The following AUTS2 variants were observed in gnomAD, a reference collection of about 807,000 sequenced individuals.
The protein encoded by AUTS2 is activator of transcription and developmental regulator AUTS2.
A neutral mutation model predicts 112.4 loss-of-function variants in AUTS2; 17 were observed. The ratio of observed to expected loss-of-function variants is 0.15; its 90% CI spans 0.10 to 0.23. The LOEUF is 0.23. Among genes scored for constraint, AUTS2 ranks in the 10% least tolerant of loss-of-function variants. The pLI, the probability that AUTS2 is intolerant of heterozygous loss-of-function variation, is 1.00. For missense variants in AUTS2, 1,510 were observed against 1,701.6 expected (o/e 0.89, Z 1.98); for synonymous variants, 751 against 702.7 (o/e 1.07, Z -1.09).
chr7:69,732,005 GT>G (rs934909678), intron 1 of AUTS2, among the ~76,000 whole-genome samples: 12 of 148,354 alleles, frequency 8.1e-5, no homozygotes, highest in South Asian at 4.3e-4. Context: ...TTTGTTTTTT[GT>G]TTTTTTTTTC....
At chr7:70,655,682 A>T (rs1806735403) in intron 5 of AUTS2, among the ~76,000 whole-genome samples, 1 of 152,118 alleles carries the variant, frequency 6.6e-6, no homozygotes, top group Non-Finnish European at 1.5e-5. Flanking sequence ...TAGGGGAAAG[A>T]GATTGCCGTT....
At chr7:70,437,468 C>G (rs927498173) in intron 5 of AUTS2, 5 of 152,244 alleles carry the variant, frequency 3.3e-5, no homozygotes, top group African/African-American at 9.6e-5. Flanking sequence ...GTTGATCTCA[C>G]TTTCTAAGTC....
intron 5 of AUTS2, among the ~76,000 whole-genome samples, chr7:70,581,163 A>C (rs974580214): frequency 2.0e-5 from 3 of 152,056 alleles, no homozygotes; most frequent in Non-Finnish European, 4.4e-5. Flanking sequence ...CGGGCAGATC[A>C]CCTGAGGTCG....
chr7:70,572,706 T>C (rs1162689417), intron 5 of AUTS2, among the ~76,000 whole-genome samples: 1 of 152,134 alleles, frequency 6.6e-6, no homozygotes, highest in African/African-American at 2.4e-5. Flanking sequence ...ATGTGGTGGT[T>C]GGTTTTCAAT....
chr7:70,553,717 T>G (rs755597256), intron 5 of AUTS2, among the ~76,000 whole-genome samples: 1 of 151,792 alleles, frequency 6.6e-6, no homozygotes, highest in Non-Finnish European at 1.5e-5. Context: ...TTTTAAGACT[T>G]TAAAGGTTGT....
At chr7:70,698,461 T>C in intron 5 of AUTS2, 108 bp from the exon 6 acceptor site, 2 of 977,046 alleles carry the variant, frequency 2.0e-6, no homozygotes, top group South Asian at 3.4e-5. Flanking sequence ...GCTTCCCTGC[T>C]AGGCTTTCGT....
At chr7:70,083,655 G>GT (rs1327908430) in intron 2 of AUTS2, among the ~76,000 whole-genome samples, 2 of 152,094 alleles carry the variant, frequency 1.3e-5, no homozygotes, top group African/African-American at 4.8e-5. Context: ...CACAATCAAG[G>GT]TAATGAACAG....
At chr7:69,691,712 G>A (rs1192560292) in intron 1 of AUTS2, among the ~76,000 whole-genome samples, 1 of 151,990 alleles carries the variant, frequency 6.6e-6, no homozygotes, top group Non-Finnish European at 1.5e-5. Context: ...GTGCCCAGGA[G>A]TGCAGGGCTC....
At chr7:70,365,882 A>G (rs556269482) in intron 4 of AUTS2, among the ~76,000 whole-genome samples, 10 of 152,348 alleles carry the variant, frequency 6.6e-5, no homozygotes, top group Non-Finnish European at 1.3e-4. Context: ...AGGAGTTACT[A>G]ACATTCATCC....
At chr7:70,707,716 C>T (rs749700269) in intron 6 of AUTS2, among the ~76,000 whole-genome samples, 1 of 152,180 alleles carries the variant, frequency 6.6e-6, no homozygotes, top group Non-Finnish European at 1.5e-5. Context: ...TGGCCAGAGT[C>T]GCCATAGTTA....
intron 6 of AUTS2, among the ~76,000 whole-genome samples, chr7:70,731,977 G>A (rs1391256605): frequency 6.6e-6 from 1 of 152,126 alleles, no homozygotes; most frequent in Non-Finnish European, 1.5e-5. Context: ...CTGATGTGAT[G>A]CCTTTATCTA....
chr7:70,584,291 C>T (rs1187481467), intron 5 of AUTS2, among the ~76,000 whole-genome samples: 1 of 152,216 alleles, frequency 6.6e-6, no homozygotes, highest in Non-Finnish European at 1.5e-5. Context: ...AAAATTTCTT[C>T]TCTGTGCAGC....
chr7:70,617,051 T>C (rs1260737775), intron 5 of AUTS2, among the ~76,000 whole-genome samples: 1 of 152,238 alleles, frequency 6.6e-6, no homozygotes, highest in Non-Finnish European at 1.5e-5. Context: ...ATTAAGGATT[T>C]ATTTTTTTCA....
chr7:70,650,002 T>C (rs1806410166), intron 5 of AUTS2, among the ~76,000 whole-genome samples: 1 of 151,872 alleles, frequency 6.6e-6, no homozygotes, highest in Non-Finnish European at 1.5e-5. Context: ...CGGGTGTGAG[T>C]AGTGTTTCTA....
chr7:70,594,184 A>G (rs1022802929), intron 5 of AUTS2, among the ~76,000 whole-genome samples: 1 of 152,130 alleles, frequency 6.6e-6, no homozygotes, highest in Non-Finnish European at 1.5e-5. Context: ...ACTTTTTGAT[A>G]CACGGTGCAA....
intron 2 of AUTS2, among the ~76,000 whole-genome samples, chr7:70,019,961 T>G (rs1800199862): frequency 6.6e-6 from 1 of 152,240 alleles, no homozygotes; most frequent in Admixed American, 6.5e-5. Context: ...TGCCTCTGCT[T>G]TTTGATCACA....
In AUTS2 at chr7:70,595,765, G is replaced by A. The variant is rs73706115; in HGVS notation, c.691-102804G>A. Among the ~76,000 whole-genome samples, 1,228 of 152,344 alleles carry A rather than the reference G, an allele frequency of 8.1e-3. 17 individuals carry two copies. Among genetic ancestry groups the A allele is most frequent in the African/African-American group, 0.028 (1,158 of 41,592 alleles). ...TGAGCCCATTGTCAACTGGAAGACA[G>A]AGTGTGACGTCTAAAAACCCAAACA... On this transcript the variant is annotated intron_variant, in intron 5 of 18. Coordinates refer to ENST00000342771, the MANE Select transcript of AUTS2 (RefSeq NM_015570.4).
intron 2 of AUTS2, among the ~76,000 whole-genome samples, chr7:70,096,189 A>G (rs867375428): frequency 5.3e-5 from 8 of 152,222 alleles, no homozygotes; most frequent in Non-Finnish European, 4.4e-5. Flanking sequence ...AAAACACTTC[A>G]TTAAAGGGAT....
intron 2 of AUTS2, among the ~76,000 whole-genome samples, chr7:70,053,025 C>T (rs978126422): frequency 6.6e-6 from 1 of 152,192 alleles, no homozygotes; most frequent in Non-Finnish European, 1.5e-5. Context: ...TTGCTCAGCA[C>T]TCAGGCTGTG....
Sources: allele counts gnomAD v4.1 joint callset (sites outside exome capture counted in the v4.1 genomes callset), GRCh38; gene constraint gnomAD v4.1.1; transcripts MANE v1.5; gene names NCBI Gene and HGNC (gene_info 2026-07-23, HGNC 2026-07-21).